ELMO1: variants seen among roughly 807,000 people sequenced by gnomAD.
ELMO1 encodes engulfment and cell motility protein 1.
Under a neutral mutation model 98.9 loss-of-function variants are expected in ELMO1, and 26 were observed. That is an observed-to-expected ratio of 0.26 (90% confidence interval 0.19 to 0.36). The LOEUF is 0.36. ELMO1 is among the 10% of genes least tolerant of loss of function. The probability of loss-of-function intolerance (pLI) is 1.00; values close to 1 mark genes in which losing one functional copy is unlikely to be tolerated. For missense variants in ELMO1, 627 were observed against 935.2 expected (o/e 0.67, Z 4.30); for synonymous variants, 346 against 346.0 (o/e 1.00, Z 0.00).
chr7:37,158,681 T>C (rs1413102649), intron 13 of ELMO1, among the ~76,000 whole-genome samples: 2 of 152,128 alleles, frequency 1.3e-5, no homozygotes, highest in South Asian at 2.1e-4. Context: ...TGTGGAGAAA[T>C]AGGAACACTT....
chr7:36,966,328 A>AG (rs1188850975), intron 16 of ELMO1, among the ~76,000 whole-genome samples: 1 of 152,232 alleles, frequency 6.6e-6, no homozygotes, highest in African/African-American at 2.4e-5. Context: ...TCTATGGGTC[A>AG]GCGTGAAGGT....
intron 15 of ELMO1, among the ~76,000 whole-genome samples, chr7:37,067,195 C>T (rs182216340): frequency 5.5e-4 from 84 of 152,290 alleles, no homozygotes; most frequent in Non-Finnish European, 9.0e-4. Flanking sequence ...CTGAGGGTGG[C>T]ACGCAACCCA....
At chr7:37,195,053 A>G (rs1328570580) in intron 13 of ELMO1, among the ~76,000 whole-genome samples, 2 of 152,228 alleles carry the variant, frequency 1.3e-5, no homozygotes, top group Non-Finnish European at 2.9e-5. Context: ...CAGGCTAATA[A>G]GCAAGTACAA....
chr7:36,963,661 A>G (rs1341505561), intron 16 of ELMO1, among the ~76,000 whole-genome samples: 1 of 152,226 alleles, frequency 6.6e-6, no homozygotes, highest in Non-Finnish European at 1.5e-5. Context: ...ATATGTCTTA[A>G]TAGGAACAAA....
chr7:37,405,471 C>T (rs191454323), intron 1 of ELMO1, among the ~76,000 whole-genome samples: 2 of 152,336 alleles, frequency 1.3e-5, no homozygotes, highest in East Asian at 1.9e-4. Context: ...AACACACTTC[C>T]GTGTGCTTTA....
chr7:37,305,216 G>A (rs1798549210), intron 4 of ELMO1, among the ~76,000 whole-genome samples: 3 of 152,164 alleles, frequency 2.0e-5, no homozygotes, highest in Admixed American at 6.5e-5. Flanking sequence ...TCAAAATTGA[G>A]CAGTAACATA....
chr7:37,120,178 T>A (rs1297554423), intron 14 of ELMO1, among the ~76,000 whole-genome samples: 1 of 152,184 alleles, frequency 6.6e-6, no homozygotes, highest in Non-Finnish European at 1.5e-5. Flanking sequence ...GATGGCCAAA[T>A]AGGAACAGCT....
chr7:37,217,111 A>G (rs1793329511), intron 10 of ELMO1, among the ~76,000 whole-genome samples: 1 of 152,246 alleles, frequency 6.6e-6, no homozygotes, highest in African/African-American at 2.4e-5. Context: ...TCTAAAAGTC[A>G]TTTCATCTTA....
intron 1 of ELMO1, among the ~76,000 whole-genome samples, chr7:37,421,822 G>A (rs1016686703): frequency 1.3e-5 from 2 of 152,158 alleles, no homozygotes; most frequent in Non-Finnish European, 2.9e-5. Flanking sequence ...TGGCCAAAAG[G>A]GTTAACCATT....
intron 4 of ELMO1, among the ~76,000 whole-genome samples, chr7:37,285,725 C>G (rs1797359285): frequency 6.6e-6 from 1 of 152,156 alleles, no homozygotes; most frequent in African/African-American, 2.4e-5. Context: ...GGTATTTGCC[C>G]AACCCAGCCA....
chr7:37,443,647 T>C (rs1326030734), intron 1 of ELMO1, among the ~76,000 whole-genome samples: 1 of 152,258 alleles, frequency 6.6e-6, no homozygotes. Flanking sequence ...TCAGGAATCA[T>C]GATATGGCTT....
intron 16 of ELMO1, among the ~76,000 whole-genome samples, chr7:36,940,914 A>G (rs1338830204): frequency 2.0e-5 from 3 of 152,250 alleles, no homozygotes; most frequent in Admixed American, 6.5e-5. Flanking sequence ...AAAGTTATAA[A>G]TGCACAAGAG....
At chr7:36,904,260 G>T (rs1314700425) in intron 16 of ELMO1, among the ~76,000 whole-genome samples, 1 of 152,248 alleles carries the variant, frequency 6.6e-6, no homozygotes, top group Non-Finnish European at 1.5e-5. Context: ...AGTATAAAAG[G>T]TGACTTTTCA....
intron 15 of ELMO1, among the ~76,000 whole-genome samples, chr7:37,026,293 T>C (rs1794574599): frequency 1.3e-5 from 2 of 152,170 alleles, no homozygotes; most frequent in African/African-American, 4.8e-5. Context: ...TGCAGAGCCA[T>C]GGTGTGACTT....
At chr7:36,900,098 C>CA (rs1806377943) in intron 16 of ELMO1, among the ~76,000 whole-genome samples, 1 of 152,172 alleles carries the variant, frequency 6.6e-6, no homozygotes, top group African/African-American at 2.4e-5. Context: ...TCTACTGAAT[C>CA]AGAAATGCTA....
intron 13 of ELMO1, among the ~76,000 whole-genome samples, chr7:37,145,191 C>G (rs1220417156): frequency 6.6e-6 from 1 of 152,180 alleles, no homozygotes; most frequent in Admixed American, 6.5e-5. Context: ...CCAGGTGATA[C>G]AGATGTTGCT....
chr7:36,955,541 G>A (rs1788373678), intron 16 of ELMO1, among the ~76,000 whole-genome samples: 1 of 152,160 alleles, frequency 6.6e-6, no homozygotes, highest in Non-Finnish European at 1.5e-5. Flanking sequence ...TGAATATCTT[G>A]GAGTATGTAA....
At chr7:37,166,262 A>T (rs1419011412) in intron 13 of ELMO1, among the ~76,000 whole-genome samples, 5 of 152,088 alleles carry the variant, frequency 3.3e-5, no homozygotes, top group African/African-American at 1.2e-4. Flanking sequence ...GCGGTCAATC[A>T]ACTTTGTTGA....
intron 6 of ELMO1, among the ~76,000 whole-genome samples, chr7:37,246,734 T>C (rs1562550675): frequency 6.6e-6 from 1 of 152,172 alleles, no homozygotes; most frequent in East Asian, 1.9e-4. Context: ...TGAGTTATTT[T>C]ACAACGCTTT....
Sources: allele counts gnomAD v4.1 joint callset (sites outside exome capture counted in the v4.1 genomes callset), GRCh38; gene constraint gnomAD v4.1.1; transcripts MANE v1.5; gene names NCBI Gene and HGNC (gene_info 2026-07-23, HGNC 2026-07-21).